Variants in SLC24A2 observed in about 807,000 individuals in gnomAD.
SLC24A2 encodes the protein sodium/potassium/calcium exchanger 2.
SLC24A2 carries 36 observed loss-of-function variants against 62.0 expected under a neutral mutation model. The observed-to-expected ratio is 0.58, with a 90% CI of 0.44 to 0.77. SLC24A2 has a LOEUF of 0.77. Ranked by LOEUF, SLC24A2 falls within the 30% of genes least tolerant of loss-of-function variation. The probability of loss-of-function intolerance (pLI) is 0.00; values close to 1 mark genes in which losing one functional copy is unlikely to be tolerated. For missense variants in SLC24A2, 846 were observed against 817.9 expected (o/e 1.03, Z -0.42); for synonymous variants, 358 against 294.0 (o/e 1.22, Z -2.23).
the SLC24A2 span, among the ~76,000 whole-genome samples, chr9:19,867,817 T>C: frequency 1.3e-5 from 2 of 151,950 alleles, no homozygotes; most frequent in Non-Finnish European, 2.9e-5. Flanking sequence ...CTGAGGCAGG[T>C]GAATCGGTCG....
At chr9:20,238,544 C>G in the SLC24A2 span, among the ~76,000 whole-genome samples, 1 of 152,170 alleles carries the variant, frequency 6.6e-6, no homozygotes, top group Non-Finnish European at 1.5e-5. Flanking sequence ...GAAAATACAG[C>G]AATCAATGCT....
At chr9:19,983,116 CT>C in the SLC24A2 span, among the ~76,000 whole-genome samples, 2 of 152,278 alleles carry the variant, frequency 1.3e-5, no homozygotes, top group East Asian at 3.9e-4. Flanking sequence ...AGGATGCTGA[CT>C]TTTACCATTG....
At chr9:19,519,841 G>A (rs1177227419) in intron 10 of SLC24A2, among the ~76,000 whole-genome samples, 3 of 152,212 alleles carry the variant, frequency 2.0e-5, no homozygotes, top group Admixed American at 2.0e-4. Flanking sequence ...GGGCTCACGT[G>A]TAGTTCAGAC....
chr9:20,034,727 C>A, the SLC24A2 span, among the ~76,000 whole-genome samples: 1 of 152,306 alleles, frequency 6.6e-6, no homozygotes, highest in Non-Finnish European at 1.5e-5. Flanking sequence ...CTTGACCTCC[C>A]AAAGTGCTGG....
At chr9:20,020,699 A>G in the SLC24A2 span, among the ~76,000 whole-genome samples, 1 of 152,220 alleles carries the variant, frequency 6.6e-6, no homozygotes, top group Non-Finnish European at 1.5e-5. Flanking sequence ...CTGCACACGT[A>G]TCCCAGAACT....
At chr9:20,204,739 T>TA in the SLC24A2 span, among the ~76,000 whole-genome samples, 1 of 147,672 alleles carries the variant, frequency 6.8e-6, no homozygotes, top group Non-Finnish European at 1.5e-5. Context: ...ATAAAAAGTA[T>TA]AACTTTTTTT....
At chr9:20,292,424 A>G in the SLC24A2 span, among the ~76,000 whole-genome samples, 1 of 152,332 alleles carries the variant, frequency 6.6e-6, no homozygotes, top group African/African-American at 2.4e-5. Flanking sequence ...GGTAAGTCAC[A>G]TATACGCCTT....
chr9:19,880,886 G>T, the SLC24A2 span, among the ~76,000 whole-genome samples: 1 of 152,146 alleles, frequency 6.6e-6, no homozygotes, highest in South Asian at 2.1e-4. Context: ...TCATCAAGGA[G>T]GTGTGTTGTG....
intron 7 of SLC24A2, among the ~76,000 whole-genome samples, chr9:19,553,508 G>C (rs1475780195): frequency 6.6e-6 from 1 of 152,210 alleles, no homozygotes; most frequent in African/African-American, 2.4e-5. Context: ...TAAAGCTTTA[G>C]GGCCTTGTAA....
chr9:20,144,603 G>A, the SLC24A2 span, among the ~76,000 whole-genome samples: 1 of 152,148 alleles, frequency 6.6e-6, no homozygotes, highest in African/African-American at 2.4e-5. Context: ...CAGAGGAGGA[G>A]GAGATGGATG....
intron 2 of SLC24A2, among the ~76,000 whole-genome samples, chr9:19,654,584 T>C (rs1057328938): frequency 4.6e-5 from 7 of 152,188 alleles, no homozygotes; most frequent in African/African-American, 1.2e-4. Flanking sequence ...GCATGGCAAA[T>C]GATGGTATAA....
the SLC24A2 span, among the ~76,000 whole-genome samples, chr9:19,885,158 AAG>A: frequency 6.6e-6 from 1 of 152,186 alleles, no homozygotes; most frequent in Non-Finnish European, 1.5e-5. Flanking sequence ...TTGGCAAGAA[AAG>A]AAAAAAGTTC....
the SLC24A2 span, among the ~76,000 whole-genome samples, chr9:19,991,070 A>G: frequency 1.3e-5 from 2 of 151,010 alleles, no homozygotes; most frequent in African/African-American, 4.9e-5. Context: ...ACATACATAT[A>G]TGAAAAGGAG....
chr9:19,679,890 C>T (rs575952294), intron 2 of SLC24A2, among the ~76,000 whole-genome samples: 1 of 139,706 alleles, frequency 7.2e-6, no homozygotes. Context: ...GTGTCTGTGT[C>T]TATGTGTGTA....
chr9:19,954,329 A>G, the SLC24A2 span, among the ~76,000 whole-genome samples: 4 of 152,108 alleles, frequency 2.6e-5, no homozygotes, highest in African/African-American at 7.2e-5. Context: ...GAGGTTAGCC[A>G]AAAACCCAAG....
chr9:19,925,314 C>CAT, the SLC24A2 span, among the ~76,000 whole-genome samples: 1 of 152,108 alleles, frequency 6.6e-6, no homozygotes, highest in African/African-American at 2.4e-5. Context: ...TTGTTCATCT[C>CAT]ATATATATAG....
At chr9:20,165,664 T>C in the SLC24A2 span, among the ~76,000 whole-genome samples, 1 of 151,880 alleles carries the variant, frequency 6.6e-6, no homozygotes, top group Non-Finnish European at 1.5e-5. Context: ...ATCCATGTTT[T>C]TTAAAAATTA....
the SLC24A2 span, among the ~76,000 whole-genome samples, chr9:19,916,500 T>A: frequency 0.013 from 1,979 of 152,162 alleles, 47 homozygotes; most frequent in African/African-American, 0.045. Flanking sequence ...TATTGTCAAC[T>A]CACTGTCAAC....
chr9:19,520,842 CA>C (rs1369852061), intron 10 of SLC24A2, 51 bp downstream of exon 10: 14 of 1,568,500 alleles, frequency 8.9e-6, no homozygotes, highest in Non-Finnish European at 1.1e-5. Flanking sequence ...TCTAAGAAGA[CA>C]AAGACACTGG....
Sources: gnomAD v4.1 joint callset for allele counts (sites outside exome capture counted in the v4.1 genomes callset) on GRCh38, gnomAD v4.1.1 for gene constraint, MANE v1.5 for transcripts, NCBI Gene and HGNC (gene_info 2026-07-23, HGNC 2026-07-21) for gene names.